Variants in SCN7A observed in about 807,000 individuals in gnomAD.
SCN7A encodes the protein sodium channel protein type 7 subunit alpha.
SCN7A carries 138 observed loss-of-function variants against 155.2 expected under a neutral mutation model. That is an observed-to-expected ratio of 0.89 (90% CI 0.77 to 1.02). The LOEUF (loss-of-function observed/expected upper bound fraction) is 1.02. Among genes scored for constraint, SCN7A ranks in the 50% least tolerant of loss-of-function variants. The pLI, the probability that SCN7A is intolerant of heterozygous loss-of-function variation, is 0.00. For missense variants in SCN7A, 2,058 were observed against 1,986.6 expected, an observed-to-expected ratio of 1.04 and a Z score of -0.68; for synonymous variants, 693 against 649.0, an observed-to-expected ratio of 1.07 and a Z score of -1.03.
intron 21 of SCN7A, among the ~76,000 whole-genome samples, chr2:166,415,609 C>T (rs1042429352): frequency 1.3e-5 from 2 of 152,086 alleles, no homozygotes; most frequent in African/African-American, 2.4e-5. Flanking sequence ...GGCAGAGGAA[C>T]ATAAATTGCG....
intron 21 of SCN7A, among the ~76,000 whole-genome samples, chr2:166,415,223 CTTTT>C (rs573283624): frequency 0.039 from 5,242 of 135,794 alleles, 120 homozygotes; most frequent in Middle Eastern, 0.052. Flanking sequence ...ACTTTTGTCT[CTTTT>C]TTTTTTTTTT....
At chr2:166,456,781 ATGAT>A in intron 11 of SCN7A, 85 bp downstream of exon 11, 1 of 587,098 alleles carries the variant, frequency 1.7e-6, no homozygotes, top group Non-Finnish European at 2.6e-6. Flanking sequence ...GAGCAAATAA[ATGAT>A]TGCTGTTTCA....
chr2:166,472,575 G>T, intron 5 of SCN7A, 130 bp from the exon 6 acceptor site: 1 of 735,686 alleles, frequency 1.4e-6, no homozygotes, highest in Non-Finnish European at 2.1e-6. Context: ...GGTCTACTTG[G>T]TAGGCCAAAA....
chr2:166,472,049 G>A (rs1399342757), intron 6 of SCN7A, among the ~76,000 whole-genome samples: 1 of 151,634 alleles, frequency 6.6e-6, no homozygotes, highest in African/African-American at 2.4e-5. Context: ...TGCCATGTTG[G>A]TGTGCTGCAC....
intron 2 of SCN7A, among the ~76,000 whole-genome samples, chr2:166,482,629 T>C (rs370457953): frequency 8.5e-5 from 13 of 152,160 alleles, no homozygotes; most frequent in African/African-American, 3.1e-4. Context: ...GTACTGATTC[T>C]GTCATCCAAC....
chr2:166,426,639 T>C (rs1259902891), intron 18 of SCN7A, among the ~76,000 whole-genome samples: 1 of 152,122 alleles, frequency 6.6e-6, no homozygotes, highest in African/African-American at 2.4e-5. Flanking sequence ...TTTGAATCTA[T>C]TTTTATTAAG....
intron 10 of SCN7A, chr2:166,462,171 A>ACTCT (rs1702428945): frequency 2.4e-6 from 1 of 424,680 alleles, no homozygotes; most frequent in East Asian, 3.7e-5. Flanking sequence ...TCTCTCTCTG[A>ACTCT]CCTTGTAGAA....
intron 25 of SCN7A, among the ~76,000 whole-genome samples, chr2:166,409,133 A>T (rs868050531): frequency 6.6e-6 from 1 of 151,996 alleles, no homozygotes; most frequent in African/African-American, 2.4e-5. Context: ...TTACTACTGA[A>T]TTTTTTGCAT....
At chr2:166,414,186 TA>T (rs200523521) in intron 21 of SCN7A, among the ~76,000 whole-genome samples, 8 of 58,896 alleles carry the variant, frequency 1.4e-4, no homozygotes, top group African/African-American at 4.6e-4. Flanking sequence ...TAAATATATA[TA>T]ATATATAATA....
chr2:166,411,466 T>C (rs757775412), intron 23 of SCN7A, among the ~76,000 whole-genome samples: 2 of 148,900 alleles, frequency 1.3e-5, no homozygotes, highest in Non-Finnish European at 3.0e-5. Flanking sequence ...GGCCTTCGAA[T>C]ACAAAAAGAA....
In SCN7A at chr2:166,412,596, T is replaced by C; in HGVS notation, c.3540A>G (p.Gly1180=). Residue 1180 remains glycine (G), a synonymous_variant, in exon 23 of 26, where the codon GGA becomes GGG. Transcript: ENST00000643258. ...TCAGCATACTCAGAGGGAGAAATACTCCAAATATAATAAAGTTGATAAAGT... is the reference window on the plus strand; with the variant it reads ...TCAGCATACTCAGAGGGAGAAATACCCCAAATATAATAAAGTTGATAAAGT... ...YCYFINFIIF[G]VFLPLSMLIT... 6.6e-7 allele frequency: 1 copy of C among 1,522,298 alleles called. No individual in the cohort carries two copies. Among genetic ancestry groups the C allele is most frequent in the Non-Finnish European group, 8.8e-7 (1 of 1,136,928 alleles). 94.3% of individuals were successfully genotyped at this position (1,522,298 alleles called of 1,614,324 possible). A position where few individuals can be genotyped will look rare whatever the true frequency, so the allele number is the denominator to read the frequency against.
intron 16 of SCN7A, 101 bp downstream of exon 16, chr2:166,432,217 T>C (rs1290925366): frequency 1.2e-5 from 10 of 829,138 alleles, no homozygotes; most frequent in South Asian, 3.6e-5. Flanking sequence ...GGAGTTAGAA[T>C]TGAGTGGATA....
chr2:166,471,852 G>A (rs915419524), intron 6 of SCN7A, among the ~76,000 whole-genome samples: 1 of 151,776 alleles, frequency 6.6e-6, no homozygotes, highest in Non-Finnish European at 1.5e-5. Context: ...CTTCTCCTAA[G>A]TATTCAAGGG....
At chr2:166,475,096 A>G (rs139512416) in intron 3 of SCN7A, among the ~76,000 whole-genome samples, 33,600 of 115,518 alleles carry the variant, frequency 0.29, 5,092 homozygotes, top group Non-Finnish European at 0.34. Context: ...ATATATACAC[A>G]TATATATGTA....
intron 16 of SCN7A, 120 bp from the exon 17 acceptor site, chr2:166,429,394 T>A: frequency 1.6e-6 from 1 of 643,814 alleles, no homozygotes; most frequent in South Asian, 2.0e-5. Flanking sequence ...ATTATTAGGT[T>A]TAAAAGACTT....
intron 16 of SCN7A, among the ~76,000 whole-genome samples, chr2:166,431,724 C>G (rs1217670002): frequency 1.3e-5 from 2 of 152,006 alleles, no homozygotes; most frequent in Non-Finnish European, 2.9e-5. Flanking sequence ...CGTTATAAAG[C>G]TACCAACTGT....
chr2:166,438,317 C>A (rs184939953), intron 15 of SCN7A, among the ~76,000 whole-genome samples: 1 of 152,198 alleles, frequency 6.6e-6, no homozygotes, highest in East Asian at 1.9e-4. Context: ...CCCCTTCTGC[C>A]ATGATTGTAA....
chr2:166,476,088 G>A (rs1702791335), intron 3 of SCN7A, among the ~76,000 whole-genome samples: 1 of 151,830 alleles, frequency 6.6e-6, no homozygotes, highest in South Asian at 2.1e-4. Context: ...AGAGGTAATT[G>A]AGATGAGGGC....
In SCN7A at chr2:166,465,516, T is replaced by C. The variant is rs1489821441; in HGVS notation, c.887A>G (p.Tyr296Cys). Residue 296 changes from tyrosine to cysteine, a missense_variant, in exon 9 of 26, where the codon TAT becomes TGT. Physicochemically the swap from Tyr to Cys is radical, Grantham distance 194. Transcript: ENST00000643258. ...PYYIRETENF[Y>C]YLEGERYALL... ...AGCATATCTTTCTCCTTCCAAATAATAAAAGTTTTCTGTTTCTGAAAAACA... is the reference window on the plus strand; with the variant it reads ...AGCATATCTTTCTCCTTCCAAATAACAAAAGTTTTCTGTTTCTGAAAAACA... 1 of 1,603,196 alleles carries C rather than the reference T, an allele frequency of 6.2e-7. No individual in the cohort carries two copies. The highest frequency in any genetic ancestry group is 1.3e-5 in the African/African-American group (1 of 74,816).
Sources: gnomAD v4.1 joint callset for allele counts (sites outside exome capture counted in the v4.1 genomes callset) on GRCh38, gnomAD v4.1.1 for gene constraint, MANE v1.5 for transcripts, NCBI Gene and HGNC (gene_info 2026-07-23, HGNC 2026-07-21) for gene names.